Variants in AKAP13 observed in about 807,000 individuals in gnomAD.
AKAP13 encodes A-kinase anchor protein 13.
In AKAP13, 80 loss-of-function variants were observed where a neutral mutation model predicts 264.5. The observed-to-expected ratio is 0.30, with a 90% CI of 0.25 to 0.36. AKAP13 has a LOEUF of 0.36. Among genes scored for constraint, AKAP13 ranks in the 10% least tolerant of loss-of-function variants. AKAP13 has a pLI of 1.00. For missense variants in AKAP13, 3,712 were observed against 3,435.2 expected (o/e 1.08, Z -2.01); for synonymous variants, 1,380 against 1,250.2 (o/e 1.10, Z -2.19).
intron 8 of AKAP13, among the ~76,000 whole-genome samples, chr15:85,593,497 G>A (rs28654696): frequency 0.2 from 30,621 of 151,090 alleles, 3,436 homozygotes; most frequent in East Asian, 0.35. Flanking sequence ...GCCTCCCAAG[G>A]TGCAGGATTA....
At chr15:85,453,834 A>G (rs1280669537) in intron 1 of AKAP13, among the ~76,000 whole-genome samples, 1 of 151,976 alleles carries the variant, frequency 6.6e-6, no homozygotes, top group Non-Finnish European at 1.5e-5. Context: ...CTGGAGGCCC[A>G]GGTTGGGAGG....
chr15:85,512,369 C>T (rs1390374133), intron 2 of AKAP13, among the ~76,000 whole-genome samples: 1 of 152,172 alleles, frequency 6.6e-6, no homozygotes, highest in Admixed American at 6.5e-5. Flanking sequence ...CCCTTCTCCA[C>T]CTCCAGACTC....
At chr15:85,608,636 A>G (rs11634707) in intron 8 of AKAP13, among the ~76,000 whole-genome samples, 30,892 of 152,174 alleles carry the variant, frequency 0.2, 4,157 homozygotes, top group Middle Eastern at 0.4. Flanking sequence ...AAGTAGAATT[A>G]AAGGATGGAC....
intron 8 of AKAP13, among the ~76,000 whole-genome samples, chr15:85,592,698 T>A (rs1338804760): frequency 6.6e-6 from 1 of 152,192 alleles, no homozygotes; most frequent in African/African-American, 2.4e-5. Flanking sequence ...TCATGTAGAT[T>A]TTTTGGAGAC....
intron 29 of AKAP13, among the ~76,000 whole-genome samples, chr15:85,728,756 G>A (rs975663623): frequency 2.6e-5 from 4 of 152,056 alleles, no homozygotes; most frequent in Admixed American, 1.3e-4. Flanking sequence ...TGACAGGTTC[G>A]GTGTGTCTGG....
chr15:85,540,184 A>C (rs896818226), intron 4 of AKAP13, among the ~76,000 whole-genome samples: 1 of 152,176 alleles, frequency 6.6e-6, no homozygotes, highest in Non-Finnish European at 1.5e-5. Context: ...ACATGGGCCA[A>C]AATATCACGT....
In AKAP13 at chr15:85,718,291, T is replaced by C; in HGVS notation, c.6001+132T>C. The stretch of plus-strand genomic sequence containing the variant: ...TTGAAAAGATTTCCTTTAAAAACTT[T>C]AAGGTACAGAGACGTGGTCCTGTTG... On this transcript the variant is annotated intron_variant, in intron 22 of 36. Transcript: ENST00000394518. This position sits in a 1 kb window ranked among gnomAD's most constrained non-coding sequence, Gnocchi z 4.9. 9.0e-7 allele frequency: 1 copy of C among 1,112,660 alleles called. No homozygotes were observed. Among genetic ancestry groups the C allele is most frequent in the Non-Finnish European group, 1.3e-6 (1 of 787,236 alleles). The allele number at this position is 1,112,660 out of a possible 1,614,324, so 68.9% of individuals were successfully genotyped here.
intron 17 of AKAP13, among the ~76,000 whole-genome samples, chr15:85,706,226 G>A (rs563446928): frequency 6.6e-6 from 1 of 152,242 alleles, no homozygotes; most frequent in African/African-American, 2.4e-5. Context: ...AAAGGAGCAT[G>A]CCAGCTGCAA....
intron 1 of AKAP13, among the ~76,000 whole-genome samples, chr15:85,459,336 C>G (rs944146337): frequency 2.0e-5 from 3 of 151,660 alleles, no homozygotes; most frequent in African/African-American, 7.3e-5. Flanking sequence ...CAGGTGCCCG[C>G]CACCACGCCC....
At chr15:85,714,366 C>T (rs1288497192) in intron 19 of AKAP13, among the ~76,000 whole-genome samples, 1 of 152,208 alleles carries the variant, frequency 6.6e-6, no homozygotes, top group Non-Finnish European at 1.5e-5. Flanking sequence ...AGAAATTCCA[C>T]ATATAAGGGG....
At chr15:85,725,312 C>T (rs1311434041) in intron 26 of AKAP13, among the ~76,000 whole-genome samples, 1 of 151,590 alleles carries the variant, frequency 6.6e-6, no homozygotes, top group East Asian at 1.9e-4. Flanking sequence ...TTGTTTTTCT[C>T]TGATCCACTG....
intron 5 of AKAP13, 150 bp downstream of exon 5, chr15:85,544,105 C>A: frequency 1.1e-6 from 1 of 899,012 alleles, no homozygotes; most frequent in East Asian, 2.6e-5. Flanking sequence ...GGTTTGTAAG[C>A]TTGCTCCTGC....
At chr15:85,472,106 C>A (rs1222694193) in intron 1 of AKAP13, among the ~76,000 whole-genome samples, 2 of 151,454 alleles carry the variant, frequency 1.3e-5, no homozygotes, top group African/African-American at 4.9e-5. Context: ...TATGCTGTTA[C>A]AATTATTTGA....
intron 1 of AKAP13, among the ~76,000 whole-genome samples, chr15:85,452,911 G>C (rs1356085405): frequency 6.6e-6 from 1 of 152,162 alleles, no homozygotes; most frequent in African/African-American, 2.4e-5. Context: ...GATCTTATTA[G>C]TGGTTTTGGC....
rs949598114 is a variant in AKAP13 at position 85,708,920 on chromosome 15, G to T, written c.5532+834G>T. Among the ~76,000 whole-genome samples the T allele has an allele frequency of 3.3e-5, 5 of 152,158 alleles. No homozygotes were observed. Among genetic ancestry groups the T allele is most frequent in the African/African-American group, 9.7e-5 (4 of 41,434 alleles). The stretch of plus-strand genomic sequence containing the variant: ...ACTGAGCCCCACTCCCAGAGTCTCA[G>T]ATTCTGGGGGAGAGTCCAGGAATTT... On this transcript the variant is annotated intron_variant, in intron 18 of 36. Transcript: ENST00000394518. The surrounding 1 kb of genome is among the most constrained non-coding windows in gnomAD (Gnocchi z 4.3).
chr15:85,490,080 C>G (rs1046803613), intron 2 of AKAP13, among the ~76,000 whole-genome samples: 3 of 152,272 alleles, frequency 2.0e-5, no homozygotes, highest in Admixed American at 1.3e-4. Flanking sequence ...ATAAGAATTG[C>G]ATTTTCAGTT....
At chr15:85,674,722 A>G (rs1567188182) in intron 14 of AKAP13, among the ~76,000 whole-genome samples, 1 of 152,224 alleles carries the variant, frequency 6.6e-6, no homozygotes, top group African/African-American at 2.4e-5. Context: ...CCAAAGATCA[A>G]GGTGGGCCTC....
intron 5 of AKAP13, among the ~76,000 whole-genome samples, chr15:85,545,389 T>G (rs953982819): frequency 6.6e-6 from 1 of 152,234 alleles, no homozygotes; most frequent in African/African-American, 2.4e-5. Context: ...TTACAACAGC[T>G]TCATTATATC....
At chr15:85,508,204 C>G (rs1019497041) in intron 2 of AKAP13, among the ~76,000 whole-genome samples, 2 of 150,716 alleles carry the variant, frequency 1.3e-5, no homozygotes, top group Non-Finnish European at 2.9e-5. Context: ...AGAGCAGTGG[C>G]ACAGTCTTGG....
Sources: gnomAD v4.1 joint callset for allele counts (sites outside exome capture counted in the v4.1 genomes callset) on GRCh38, gnomAD v4.1.1 for gene constraint, Gnocchi (gnomAD v3.1) non-coding constraint, MANE v1.5 for transcripts, NCBI Gene and HGNC (gene_info 2026-07-23, HGNC 2026-07-21) for gene names.